ZBTB20: variants seen among roughly 807,000 people sequenced by gnomAD.
ZBTB20 encodes zinc finger and BTB domain containing 20, also known as zinc finger and BTB domain-containing protein 20.
ZBTB20 carries 9 observed loss-of-function variants against 56.9 expected under a neutral mutation model. The ratio of observed to expected loss-of-function variants is 0.16; its 90% CI spans 0.10 to 0.28. The LOEUF is 0.28. ZBTB20 is among the 10% of genes least tolerant of loss of function. The probability of loss-of-function intolerance (pLI) is 1.00; values close to 1 mark genes in which losing one functional copy is unlikely to be tolerated. For missense variants in ZBTB20, 655 were observed against 1,003.0 expected (o/e 0.65, Z 4.69); for synonymous variants, 417 against 420.7 (o/e 0.99, Z 0.11).
chr3:114,999,319 T>C (rs916107348), intron 2 of ZBTB20, among the ~76,000 whole-genome samples: 1 of 146,220 alleles, frequency 6.8e-6, no homozygotes, highest in African/African-American at 2.5e-5. Flanking sequence ...GGGAGGGAAA[T>C]TTTCAGGGCA....
intron 1 of ZBTB20, among the ~76,000 whole-genome samples, chr3:115,142,453 G>A (rs1285921727): frequency 6.6e-6 from 1 of 152,088 alleles, no homozygotes; most frequent in Non-Finnish European, 1.5e-5. Flanking sequence ...ACGAGGTCAG[G>A]AGATCAAGAC....
At chr3:114,861,692 C>G (rs1027828540) in intron 4 of ZBTB20, 24 of 68,448 alleles carry the variant, frequency 3.5e-4, no homozygotes, top group African/African-American at 7.1e-4. Flanking sequence ...CACACACACA[C>G]ACACACACAA....
chr3:114,510,804 A>G (rs1435882713), intron 6 of ZBTB20, among the ~76,000 whole-genome samples: 1 of 152,138 alleles, frequency 6.6e-6, no homozygotes, highest in Non-Finnish European at 1.5e-5. Flanking sequence ...TTTGATCTAT[A>G]CTCAGAATGT....
chr3:114,911,493 G>A (rs2075535823), intron 3 of ZBTB20, among the ~76,000 whole-genome samples: 1 of 151,792 alleles, frequency 6.6e-6, no homozygotes, highest in African/African-American at 2.4e-5. Flanking sequence ...ATGAGATGTA[G>A]AAAACACAAA....
At position 114,756,610 on chromosome 3, in the gene ZBTB20, T is replaced by C. The variant is rs563477569; in HGVS notation, c.-343+44491A>G. On this transcript the variant is annotated intron_variant, in intron 5 of 11. Transcript: ENST00000675478. ...ATATTTCAGTCCTTTGCTTCCAGTA[T>C]TATTTTCTTTTAAGTAAATACTTTT... 2.6e-5 allele frequency among the ~76,000 whole-genome samples: 4 copies of C among 152,306 alleles called. No individual in the cohort carries two copies. The East Asian group carries it at 5.8e-4, about 22-fold the overall frequency.
intron 6 of ZBTB20, among the ~76,000 whole-genome samples, chr3:114,582,543 C>T (rs2054754075): frequency 6.6e-6 from 1 of 152,050 alleles, no homozygotes; most frequent in South Asian, 2.1e-4. Flanking sequence ...TCATGCCTGG[C>T]TAATTTTTGT....
chr3:114,396,284 A>G (rs1010020019), intron 7 of ZBTB20, among the ~76,000 whole-genome samples: 1 of 152,174 alleles, frequency 6.6e-6, no homozygotes, highest in Non-Finnish European at 1.5e-5. Flanking sequence ...AGTTTGTGGT[A>G]AATGGAAAAA....
chr3:114,931,836 T>C (rs1360511588), intron 3 of ZBTB20, among the ~76,000 whole-genome samples: 1 of 152,188 alleles, frequency 6.6e-6, no homozygotes, highest in Non-Finnish European at 1.5e-5. Context: ...TTTTCAAAAA[T>C]GTCAACCAAC....
chr3:114,458,188 G>T (rs1244707001), intron 7 of ZBTB20, among the ~76,000 whole-genome samples: 1 of 152,088 alleles, frequency 6.6e-6, no homozygotes, highest in African/African-American at 2.4e-5. Flanking sequence ...TAGCACAAGG[G>T]TTATTAATTG....
intron 2 of ZBTB20, among the ~76,000 whole-genome samples, chr3:115,026,202 C>G (rs1397571563): frequency 1.3e-5 from 2 of 150,876 alleles, no homozygotes; most frequent in Admixed American, 6.6e-5. Flanking sequence ...TAGGTAAGGT[C>G]CATTTTGACT....
intron 1 of ZBTB20, among the ~76,000 whole-genome samples, chr3:115,118,448 T>G (rs2084083779): frequency 6.6e-6 from 1 of 152,156 alleles, no homozygotes; most frequent in Non-Finnish European, 1.5e-5. Flanking sequence ...TTTCTTCACA[T>G]AAACTGTTGA....
chr3:114,601,749 A>G (rs540919598), intron 6 of ZBTB20, among the ~76,000 whole-genome samples: 156 of 152,134 alleles, frequency 1.0e-3, no homozygotes, highest in African/African-American at 3.5e-3. Flanking sequence ...GAGAGCAAGG[A>G]GAAATCATTT....
intron 6 of ZBTB20, among the ~76,000 whole-genome samples, chr3:114,591,629 T>G (rs1057126571): frequency 6.6e-6 from 1 of 152,202 alleles, no homozygotes. Flanking sequence ...CTAATACAGC[T>G]ATATGGAATT....
At chr3:114,869,510 A>G (rs1352872308) in intron 4 of ZBTB20, among the ~76,000 whole-genome samples, 1 of 152,150 alleles carries the variant, frequency 6.6e-6, no homozygotes, top group Non-Finnish European at 1.5e-5. Context: ...ATCTAGTAAT[A>G]CTAGATTAAG....
At chr3:114,546,128 G>A (rs754426405) in intron 6 of ZBTB20, among the ~76,000 whole-genome samples, 15 of 152,088 alleles carry the variant, frequency 9.9e-5, no homozygotes, top group Admixed American at 5.9e-4. Flanking sequence ...AGAGTAAATC[G>A]GTACATCTTA....
chr3:114,983,056 T>C (rs1302892481), intron 2 of ZBTB20, among the ~76,000 whole-genome samples: 1 of 152,014 alleles, frequency 6.6e-6, no homozygotes, highest in African/African-American at 2.4e-5. Context: ...AAGTCCTATA[T>C]ACTTGGTTTT....
intron 6 of ZBTB20, among the ~76,000 whole-genome samples, chr3:114,671,320 A>G (rs2061347594): frequency 6.6e-6 from 1 of 152,094 alleles, no homozygotes; most frequent in Non-Finnish European, 1.5e-5. Context: ...TCACTTGCGC[A>G]GCCCCCCTTC....
intron 2 of ZBTB20, among the ~76,000 whole-genome samples, chr3:115,030,086 G>C (rs1036654660): frequency 1.3e-4 from 19 of 150,968 alleles, no homozygotes; most frequent in African/African-American, 3.4e-4. Context: ...GTGTTAAACG[G>C]AGAAATTGTT....
At chr3:115,141,843 T>C (rs1291836375) in intron 1 of ZBTB20, among the ~76,000 whole-genome samples, 1 of 152,176 alleles carries the variant, frequency 6.6e-6, no homozygotes, top group Admixed American at 6.5e-5. Flanking sequence ...ACCTTACAAA[T>C]ATGAATATTA....
Sources: gnomAD v4.1 joint callset for allele counts (sites outside exome capture counted in the v4.1 genomes callset) on GRCh38, gnomAD v4.1.1 for gene constraint, MANE v1.5 for transcripts, NCBI Gene and HGNC (gene_info 2026-07-23, HGNC 2026-07-21) for gene names.